Variants in POLR1F observed in about 807,000 individuals in gnomAD.
POLR1F encodes RNA polymerase I subunit F, also known as DNA-directed RNA polymerase I subunit RPA43.
A neutral mutation model predicts 21.8 loss-of-function variants in POLR1F; 23 were observed. That is an observed-to-expected ratio of 1.05 (90% CI 0.76 to 1.49). POLR1F has a LOEUF of 1.49. Ranked by LOEUF, POLR1F falls within the 40% of genes most tolerant of loss-of-function variation. The pLI, the probability that POLR1F is intolerant of heterozygous loss-of-function variation, is 0.00. For synonymous variants in POLR1F, 162 were observed against 152.8 expected (o/e 1.06, Z -0.45); for missense variants, 435 against 412.1 (o/e 1.06, Z -0.48).
At chr7:19,707,462 C>G (rs1004036192) in intron 1 of POLR1F, among the ~76,000 whole-genome samples, 1 of 152,196 alleles carries the variant, frequency 6.6e-6, no homozygotes, top group Non-Finnish European at 1.5e-5. Context: ...ACCCCCTGCC[C>G]TCCTCTCCAA....
chr7:19,698,277 A>C lies in POLR1F; in HGVS notation c.*39T>G. 18 of 1,492,340 alleles carry C rather than the reference A, an allele frequency of 1.2e-5. No individual in the cohort carries two copies. Among genetic ancestry groups the C allele is most frequent in the Non-Finnish European group, 1.5e-5 (17 of 1,115,362 alleles). 92.4% of individuals were successfully genotyped at this position (1,492,340 alleles called of 1,614,324 possible). On this transcript the variant is annotated 3_prime_UTR_variant, in exon 4 of 4. Transcript: ENST00000222567. ...AAACATTTATTCATCTATTGTATGTAGATCGATCTTTTAAAAACTGAATCG... is the reference window on the plus strand; with the variant it reads ...AAACATTTATTCATCTATTGTATGTCGATCGATCTTTTAAAAACTGAATCG...
At position 19,696,789 on chromosome 7, in the gene POLR1F, T is replaced by C. The variant is rs1465128362; in HGVS notation, c.*1527A>G. The C allele has an allele frequency of 6.6e-6, 1 of 152,124 alleles. No individual in the cohort carries two copies. The highest frequency in any genetic ancestry group is 1.5e-5 in the Non-Finnish European group (1 of 67,966). 9.4% of individuals were successfully genotyped at this position (152,124 alleles called of 1,614,324 possible). A position where few individuals can be genotyped will look rare whatever the true frequency, so the allele number is the denominator to read the frequency against. ...CCAAGACATATTGATTTCACCAATA[T>C]AAAAATTGAGATAGTTTACATTTTT... On this transcript the variant is annotated 3_prime_UTR_variant, in exon 4 of 4. Coordinates refer to ENST00000222567, the MANE Select transcript of POLR1F (RefSeq NM_001002926.2).
chr7:19,698,270 T>C lies in POLR1F; in HGVS notation c.*46A>G. 1 of 1,495,154 alleles carries C rather than the reference T, an allele frequency of 6.7e-7. No homozygotes were observed. The highest frequency in any genetic ancestry group is 1.4e-5 in the African/African-American group (1 of 71,416). 92.6% of individuals were successfully genotyped at this position (1,495,154 alleles called of 1,614,324 possible). A position where few individuals can be genotyped will look rare whatever the true frequency, so the allele number is the denominator to read the frequency against. On this transcript the variant is annotated 3_prime_UTR_variant, in exon 4 of 4. Transcript: ENST00000222567. ...TCACTGAAAACATTTATTCATCTAT[T>C]GTATGTAGATCGATCTTTTAAAAAC...
At chr7:19,699,646 G>A (rs1053146874) in intron 3 of POLR1F, among the ~76,000 whole-genome samples, 16 of 152,006 alleles carry the variant, frequency 1.1e-4, no homozygotes, top group Admixed American at 4.6e-4. Context: ...TTTCTATACA[G>A]AATAATACAG....
intron 1 of POLR1F, among the ~76,000 whole-genome samples, chr7:19,707,146 A>G (rs1484642258): frequency 2.0e-5 from 3 of 152,210 alleles, no homozygotes; most frequent in Admixed American, 6.5e-5. Flanking sequence ...TTGGACAATT[A>G]TAACATTATC....
intron 2 of POLR1F, among the ~76,000 whole-genome samples, chr7:19,701,890 C>T (rs1238823708): frequency 6.6e-6 from 1 of 151,900 alleles, no homozygotes; most frequent in Non-Finnish European, 1.5e-5. Flanking sequence ...GTGAACTACT[C>T]AGGGCCAGCG....
At chr7:19,701,219 A>G (rs1179823633) in intron 2 of POLR1F, among the ~76,000 whole-genome samples, 1 of 152,224 alleles carries the variant, frequency 6.6e-6, no homozygotes, top group Admixed American at 6.5e-5. Context: ...ATAAAGATAA[A>G]TAAGTTCTCA....
chr7:19,701,408 G>A (rs1385187540), intron 2 of POLR1F, among the ~76,000 whole-genome samples: 1 of 152,166 alleles, frequency 6.6e-6, no homozygotes, highest in Non-Finnish European at 1.5e-5. Flanking sequence ...TGAATAGGTG[G>A]AGCACAAGCG....
intron 1 of POLR1F, 97 bp downstream of exon 1, chr7:19,708,666 C>A (rs900158455): frequency 1.3e-6 from 2 of 1,502,876 alleles, no homozygotes; most frequent in Non-Finnish European, 1.8e-6. Context: ...GGGGGCAATG[C>A]GACCTTTGCC....
At chr7:19,706,882 T>G (rs1279468293) in intron 1 of POLR1F, among the ~76,000 whole-genome samples, 1 of 152,216 alleles carries the variant, frequency 6.6e-6, no homozygotes. Flanking sequence ...GTTCAATGTT[T>G]TGTCCCTTAT....
chr7:19,702,632 C>A (rs1226693182), intron 2 of POLR1F, among the ~76,000 whole-genome samples: 1 of 152,054 alleles, frequency 6.6e-6, no homozygotes, highest in Non-Finnish European at 1.5e-5. Flanking sequence ...ACAGACAAGT[C>A]ACAGATTGGA....
At chr7:19,704,671 C>A (rs1783493158) in intron 2 of POLR1F, 108 bp downstream of exon 2, 2 of 984,256 alleles carry the variant, frequency 2.0e-6, no homozygotes, top group Admixed American at 3.4e-5. Context: ...TATTTACTCA[C>A]AATAGCAATT....
chr7:19,700,871 A>C (rs1390048478), intron 2 of POLR1F, among the ~76,000 whole-genome samples: 1 of 152,232 alleles, frequency 6.6e-6, no homozygotes, highest in Non-Finnish European at 1.5e-5. Flanking sequence ...CTAAATCACG[A>C]AAGTATTATT....
At chr7:19,702,631 TCA>T (rs1364980182) in intron 2 of POLR1F, among the ~76,000 whole-genome samples, 3 of 152,126 alleles carry the variant, frequency 2.0e-5, no homozygotes, top group Non-Finnish European at 4.4e-5. Flanking sequence ...AACAGACAAG[TCA>T]CAGATTGGAA....
At chr7:19,699,991 A>T (rs1485101927) in intron 3 of POLR1F, 81 bp downstream of exon 3, 7 of 1,225,136 alleles carry the variant, frequency 5.7e-6, no homozygotes, top group Non-Finnish European at 8.2e-6. Flanking sequence ...TTCTCTTTAA[A>T]ATTAAAATAA....
At chr7:19,701,145 G>A (rs1315063745) in intron 2 of POLR1F, among the ~76,000 whole-genome samples, 1 of 152,056 alleles carries the variant, frequency 6.6e-6, no homozygotes, top group African/African-American at 2.4e-5. Context: ...TGTTCCCACT[G>A]GTAGTTTCCA....
chr7:19,697,783 A>G lies in POLR1F; in HGVS notation c.*533T>C, dbSNP rs1275523193. 5 of 152,340 alleles carry G rather than the reference A, an allele frequency of 3.3e-5. 1 individual carries two copies. Among genetic ancestry groups the G allele is most frequent in the Non-Finnish European group, 7.3e-5 (5 of 68,148 alleles). 9.4% of individuals were successfully genotyped at this position (152,340 alleles called of 1,614,324 possible). A position where few individuals can be genotyped will look rare whatever the true frequency, so the allele number is the denominator to read the frequency against. On this transcript the variant is annotated 3_prime_UTR_variant, in exon 4 of 4. Transcript: ENST00000222567. ...ACTGGCCTGGCTTTTAAGAGCTGTG[A>G]AGACTTCAGAAACTTCTTTGGCAAA...
intron 1 of POLR1F, 82 bp downstream of exon 1, chr7:19,708,680 TG>T: frequency 6.5e-7 from 1 of 1,539,902 alleles, no homozygotes; most frequent in Admixed American, 1.8e-5. Flanking sequence ...CTTTGCCATT[TG>T]CCCCTTTCTG....
At chr7:19,708,698 C>G (rs1028973985) in intron 1 of POLR1F, 65 bp downstream of exon 1, 4 of 1,557,706 alleles carry the variant, frequency 2.6e-6, no homozygotes, top group African/African-American at 1.4e-5. Flanking sequence ...TCTGCTGCGT[C>G]GTCAGCACAT....
Sources: gnomAD v4.1 joint callset for allele counts (sites outside exome capture counted in the v4.1 genomes callset) on GRCh38, gnomAD v4.1.1 for gene constraint, MANE v1.5 for transcripts, NCBI Gene and HGNC (gene_info 2026-07-23, HGNC 2026-07-21) for gene names.